Variants in NPAS3 observed in about 807,000 individuals in gnomAD.
NPAS3 encodes neuronal PAS domain protein 3, also known as neuronal PAS domain-containing protein 3.
A neutral mutation model predicts 73.1 loss-of-function variants in NPAS3; 14 were observed. The observed-to-expected ratio is 0.19, with a 90% CI of 0.13 to 0.30. The LOEUF (loss-of-function observed/expected upper bound fraction) is 0.30, where lower values mean the gene tolerates loss of function less well. Ranked by LOEUF, NPAS3 falls within the 10% of genes least tolerant of loss-of-function variation. NPAS3 has a pLI of 1.00. For missense variants in NPAS3, 1,096 were observed against 1,250.0 expected, an observed-to-expected ratio of 0.88 and a Z score of 1.86; for synonymous variants, 620 against 541.5, an observed-to-expected ratio of 1.14 and a Z score of -2.01.
chr14:33,420,543 T>G (rs2048326392), intron 4 of NPAS3, among the ~76,000 whole-genome samples: 1 of 151,846 alleles, frequency 6.6e-6, no homozygotes, highest in Non-Finnish European at 1.5e-5. Context: ...AGAAATACAT[T>G]AAGGCAACAT....
chr14:33,373,479 AG>A (rs1166980716), intron 4 of NPAS3, among the ~76,000 whole-genome samples: 1 of 152,042 alleles, frequency 6.6e-6, no homozygotes, highest in East Asian at 1.9e-4. Flanking sequence ...TATAATTGAA[AG>A]ATAGTCTTTA....
chr14:33,725,905 A>G (rs1289728128), intron 6 of NPAS3, among the ~76,000 whole-genome samples: 4 of 151,986 alleles, frequency 2.6e-5, no homozygotes, highest in Non-Finnish European at 4.4e-5. Flanking sequence ...ATTGAAATTT[A>G]TTTACTTTAT....
intron 2 of NPAS3, among the ~76,000 whole-genome samples, chr14:33,176,369 C>T (rs2045591085): frequency 6.6e-6 from 1 of 152,208 alleles, no homozygotes. Context: ...ATAGCCCCTC[C>T]CTGCTTATCC....
intron 1 of NPAS3, among the ~76,000 whole-genome samples, chr14:32,983,315 C>T (rs2037973799): frequency 6.6e-6 from 1 of 152,056 alleles, no homozygotes; most frequent in African/African-American, 2.4e-5. Context: ...TCTTACTTCA[C>T]CAAATTGTGT....
At chr14:33,075,628 C>T (rs2041631272) in intron 2 of NPAS3, among the ~76,000 whole-genome samples, 4 of 152,164 alleles carry the variant, frequency 2.6e-5, no homozygotes, top group Admixed American at 2.6e-4. Context: ...TCAACAGAAA[C>T]GCTTAGAAAA....
At chr14:33,487,250 T>C (rs1221728956) in intron 4 of NPAS3, among the ~76,000 whole-genome samples, 2 of 152,230 alleles carry the variant, frequency 1.3e-5, no homozygotes, top group African/African-American at 2.4e-5. Context: ...ACTTAAATTT[T>C]TGTTTCATAT....
At chr14:33,484,217 A>G (rs1289602736) in intron 4 of NPAS3, among the ~76,000 whole-genome samples, 1 of 152,166 alleles carries the variant, frequency 6.6e-6, no homozygotes, top group Admixed American at 6.6e-5. Context: ...GTAGTTGTGA[A>G]TAGGATGGTC....
At chr14:33,114,777 A>G (rs1451647042) in intron 2 of NPAS3, among the ~76,000 whole-genome samples, 1 of 152,208 alleles carries the variant, frequency 6.6e-6, no homozygotes, top group Non-Finnish European at 1.5e-5. Context: ...AAGAAGGCTT[A>G]CAAGTCAAGA....
At chr14:32,958,805 A>G (rs1446476417) in intron 1 of NPAS3, among the ~76,000 whole-genome samples, 1 of 152,236 alleles carries the variant, frequency 6.6e-6, no homozygotes, top group Non-Finnish European at 1.5e-5. Flanking sequence ...GGGTAAATAA[A>G]TACATGGGCA....
chr14:33,032,264 A>G (rs1403047982), intron 1 of NPAS3, among the ~76,000 whole-genome samples: 2 of 152,218 alleles, frequency 1.3e-5, no homozygotes, highest in African/African-American at 4.8e-5. Flanking sequence ...GGTTCTGAGC[A>G]AGGCAATGAC....
intron 4 of NPAS3, among the ~76,000 whole-genome samples, chr14:33,410,654 T>C (rs1199317201): frequency 1.3e-5 from 2 of 152,198 alleles, no homozygotes; most frequent in Admixed American, 6.5e-5. Context: ...TGGTACTTTT[T>C]GTTTTCCTTG....
At chr14:33,175,458 A>G (rs145201133) in intron 2 of NPAS3, among the ~76,000 whole-genome samples, 1 of 152,210 alleles carries the variant, frequency 6.6e-6, no homozygotes, top group Non-Finnish European at 1.5e-5. Context: ...ACTTGTTTCA[A>G]AAGGAAACAA....
intron 1 of NPAS3, among the ~76,000 whole-genome samples, chr14:33,049,526 G>T (rs1206443639): frequency 6.6e-6 from 1 of 152,150 alleles, no homozygotes; most frequent in Non-Finnish European, 1.5e-5. Flanking sequence ...CTTATGCAGA[G>T]AAATTCCCAT....
chr14:32,955,382 A>G (rs1481766750), intron 1 of NPAS3, among the ~76,000 whole-genome samples: 1 of 152,162 alleles, frequency 6.6e-6, no homozygotes, highest in Non-Finnish European at 1.5e-5. Flanking sequence ...TGTAACTTAC[A>G]TAAACGTCAG....
chr14:33,043,095 A>AT (rs1179893700), intron 1 of NPAS3, among the ~76,000 whole-genome samples: 1 of 152,176 alleles, frequency 6.6e-6, no homozygotes, highest in Non-Finnish European at 1.5e-5. Flanking sequence ...AGTTAAAACC[A>AT]TTTTTGTCAT....
At chr14:33,347,581 C>G (rs930839216) in intron 3 of NPAS3, among the ~76,000 whole-genome samples, 2 of 152,182 alleles carry the variant, frequency 1.3e-5, no homozygotes, top group African/African-American at 2.4e-5. Flanking sequence ...TTGAGGGTGA[C>G]AGGTAGTCGG....
intron 4 of NPAS3, among the ~76,000 whole-genome samples, chr14:33,407,418 A>T (rs982681472): frequency 2.6e-5 from 4 of 152,122 alleles, no homozygotes; most frequent in African/African-American, 7.2e-5. Flanking sequence ...TCCAAAACAC[A>T]TCCCTGAATC....
intron 4 of NPAS3, among the ~76,000 whole-genome samples, chr14:33,459,348 A>G (rs912351180): frequency 1.3e-5 from 2 of 152,198 alleles, no homozygotes; most frequent in African/African-American, 4.8e-5. Context: ...TGCCTCTGAC[A>G]CTTTCATATG....
intron 5 of NPAS3, among the ~76,000 whole-genome samples, chr14:33,626,357 C>T (rs1039939349): frequency 3.9e-5 from 6 of 152,060 alleles, no homozygotes; most frequent in Admixed American, 6.6e-5. Context: ...ACAGAGGATA[C>T]GTAAATATCC....
Sources: allele counts gnomAD v4.1 joint callset (sites outside exome capture counted in the v4.1 genomes callset), GRCh38; gene constraint gnomAD v4.1.1; transcripts MANE v1.5; gene names NCBI Gene and HGNC (gene_info 2026-07-23, HGNC 2026-07-21).